VAT1L: variants seen among roughly 807,000 people sequenced by gnomAD.
VAT1L encodes vesicle amine transport 1 like, also known as putative NADPH-dependent quinone oxidoreductase VAT1L.
VAT1L carries 34 observed loss-of-function variants against 44.1 expected under a neutral mutation model. The observed-to-expected ratio is 0.77, with a 90% CI of 0.59 to 1.03. The LOEUF (loss-of-function observed/expected upper bound fraction) is 1.03. Among genes scored for constraint, VAT1L ranks in the 50% least tolerant of loss-of-function variants. The pLI is 0.00. For synonymous variants in VAT1L, 253 were observed against 202.2 expected (o/e 1.25, Z -2.13); for missense variants, 615 against 538.8 (o/e 1.14, Z -1.40).
At chr16:77,950,409 AACACACACACACAC>A (rs61168492) in intron 7 of VAT1L, among the ~76,000 whole-genome samples, 54,508 of 131,432 alleles carry the variant, frequency 0.41, 11,230 homozygotes, top group Middle Eastern at 0.55. Flanking sequence ...ATTCCATCTA[AACACACACACACAC>A]ACACACACAC....
chr16:77,883,888 C>T (rs1020174837), intron 6 of VAT1L, among the ~76,000 whole-genome samples: 4 of 152,152 alleles, frequency 2.6e-5, no homozygotes, highest in African/African-American at 9.7e-5. Flanking sequence ...TTCCCCACCA[C>T]ATTGTGTAAA....
At position 77,916,458 on chromosome 16, in the gene VAT1L, G is replaced by T. The variant is rs546424844; in HGVS notation, c.1077+31656G>T. Among the ~76,000 whole-genome samples the T allele has an allele frequency of 2.0e-5, 3 of 152,160 alleles. No homozygotes were observed. In the East Asian group the frequency reaches 5.8e-4, roughly 29 times the overall value. ...AATATTACTACTCTCTCTCCACTGG[G>T]TTTTTTGTTTTTGTTTTTAATTTTT... On this transcript the variant is annotated intron_variant, in intron 7 of 8. Coordinates refer to ENST00000302536, the MANE Select transcript of VAT1L (RefSeq NM_020927.3).
chr16:77,955,496 G>A (rs1048222539), intron 7 of VAT1L, among the ~76,000 whole-genome samples: 4 of 152,176 alleles, frequency 2.6e-5, no homozygotes, highest in African/African-American at 9.7e-5. Context: ...ACGCCAAGGC[G>A]GGAAGATTGC....
chr16:77,873,616 G>C (rs2017055676), intron 4 of VAT1L, among the ~76,000 whole-genome samples: 1 of 152,176 alleles, frequency 6.6e-6, no homozygotes, highest in South Asian at 2.1e-4. Context: ...AATTTTGGTG[G>C]AAGAGAAAGT....
intron 1 of VAT1L, among the ~76,000 whole-genome samples, chr16:77,808,336 A>G (rs567682731): frequency 6.6e-6 from 1 of 152,140 alleles, no homozygotes; most frequent in South Asian, 2.1e-4. Flanking sequence ...GTTGTAGGAA[A>G]ACAACCTCAG....
chr16:77,846,652 T>C (rs1343512034), intron 3 of VAT1L, among the ~76,000 whole-genome samples: 2 of 152,200 alleles, frequency 1.3e-5, no homozygotes, highest in Admixed American at 6.5e-5. Flanking sequence ...ACAAAAATGT[T>C]CACTGAAATA....
chr16:77,971,836 A>G lies in VAT1L; in HGVS notation c.1078-14A>G. 1 of 1,610,962 alleles carries G rather than the reference A, an allele frequency of 6.2e-7. No individual in the cohort carries two copies. The highest frequency in any genetic ancestry group is 8.5e-7 in the Non-Finnish European group (1 of 1,178,654). On this transcript the variant is annotated splice_polypyrimidine_tract_variant and intron_variant, in intron 7 of 8. Coordinates refer to ENST00000302536, the MANE Select transcript of VAT1L (RefSeq NM_020927.3). ...CGCCTAACCAGCACCTCTGTTTCTC[A>G]CCTTTTCGCGCAGGTGAAGGAGGCC... is the stretch of plus-strand genomic sequence containing the variant.
intron 7 of VAT1L, among the ~76,000 whole-genome samples, chr16:77,926,403 G>A (rs558552383): frequency 2.0e-5 from 3 of 151,844 alleles, no homozygotes; most frequent in Non-Finnish European, 4.4e-5. Flanking sequence ...GGCCAACATG[G>A]TGAAACCCCA....
At chr16:77,921,277 T>C (rs145414043) in intron 7 of VAT1L, among the ~76,000 whole-genome samples, 2 of 152,316 alleles carry the variant, frequency 1.3e-5, no homozygotes, top group East Asian at 3.9e-4. Flanking sequence ...TGACTCCTCA[T>C]GGAATTGCTT....
intron 4 of VAT1L, among the ~76,000 whole-genome samples, chr16:77,874,222 G>A (rs1316504403): frequency 6.6e-6 from 1 of 152,102 alleles, no homozygotes; most frequent in Non-Finnish European, 1.5e-5. Flanking sequence ...AAGGGGAGAG[G>A]TCTTGGAGAA....
At chr16:77,928,100 A>G (rs2017690052) in intron 7 of VAT1L, among the ~76,000 whole-genome samples, 1 of 152,094 alleles carries the variant, frequency 6.6e-6, no homozygotes, top group South Asian at 2.1e-4. Flanking sequence ...TTTTCACAGC[A>G]GGCCTTATTG....
chr16:77,897,962 GTGT>G (rs1288847881), intron 7 of VAT1L, among the ~76,000 whole-genome samples: 2 of 152,242 alleles, frequency 1.3e-5, no homozygotes, highest in African/African-American at 4.8e-5. Context: ...CAACAGAAAT[GTGT>G]TGTCTCAGCG....
At chr16:77,831,718 G>T (rs1351861545) in intron 3 of VAT1L, among the ~76,000 whole-genome samples, 1 of 152,152 alleles carries the variant, frequency 6.6e-6, no homozygotes, top group Non-Finnish European at 1.5e-5. Flanking sequence ...GGACTGAAAA[G>T]GGCCATTAAT....
chr16:77,907,097 A>T (rs1409034596), intron 7 of VAT1L, among the ~76,000 whole-genome samples: 1 of 152,242 alleles, frequency 6.6e-6, no homozygotes, highest in South Asian at 2.1e-4. Context: ...CTAGCGGGGG[A>T]AAAAAAGCCC....
At chr16:77,852,035 T>G (rs530278183) in intron 3 of VAT1L, among the ~76,000 whole-genome samples, 1 of 152,222 alleles carries the variant, frequency 6.6e-6, no homozygotes, top group African/African-American at 2.4e-5. Flanking sequence ...CTAGCTTGCT[T>G]TGGGTCTTGT....
Position 77,884,855 on chromosome 16 carries a change from G to A in VAT1L, c.1077+53G>A. 2 of 1,417,400 alleles carry A rather than the reference G, an allele frequency of 1.4e-6. No homozygotes were observed. The highest frequency in any genetic ancestry group is 9.2e-7 in the Non-Finnish European group (1 of 1,082,350). 87.8% of individuals were successfully genotyped at this position (1,417,400 alleles called of 1,614,324 possible). A position where few individuals can be genotyped will look rare whatever the true frequency, so the allele number is the denominator to read the frequency against. On this transcript the variant is annotated intron_variant, in intron 7 of 8. Coordinates refer to ENST00000302536, the MANE Select transcript of VAT1L (RefSeq NM_020927.3). The surrounding 1 kb of genome is among the most constrained non-coding windows in gnomAD (Gnocchi z 4.5). ...TAAACTCCTCTTTTTAACTCAGGAA[G>A]GTTTGGGCAGCCAAATACAATCTTC...
chr16:77,867,036 G>T (rs2016982325), intron 4 of VAT1L, among the ~76,000 whole-genome samples: 1 of 152,168 alleles, frequency 6.6e-6, no homozygotes, highest in Non-Finnish European at 1.5e-5. Context: ...ACGCTTTGTT[G>T]CTCTCCTGCC....
intron 7 of VAT1L, among the ~76,000 whole-genome samples, chr16:77,963,092 A>G (rs2018181283): frequency 6.6e-6 from 1 of 152,240 alleles, no homozygotes; most frequent in Admixed American, 6.5e-5. Flanking sequence ...CAGATGCTTA[A>G]CAGACATCTG....
At chr16:77,936,573 A>G (rs1466100752) in intron 7 of VAT1L, among the ~76,000 whole-genome samples, 1 of 152,110 alleles carries the variant, frequency 6.6e-6, no homozygotes, top group Non-Finnish European at 1.5e-5. Flanking sequence ...GAAAAATGGG[A>G]TTTACTCGGC....
Sources: allele counts gnomAD v4.1 joint callset (sites outside exome capture counted in the v4.1 genomes callset), GRCh38; gene constraint gnomAD v4.1.1; non-coding constraint Gnocchi (gnomAD v3.1); transcripts MANE v1.5; gene names NCBI Gene and HGNC (gene_info 2026-07-23, HGNC 2026-07-21).